Variants in NKD1 observed in about 807,000 individuals in gnomAD.
The protein encoded by NKD1 is NKD inhibitor of Wnt signaling pathway 1.
Under a neutral mutation model 56.0 loss-of-function variants are expected in NKD1, and 21 were observed. That is an observed-to-expected ratio of 0.38 (90% CI 0.27 to 0.54). The LOEUF (loss-of-function observed/expected upper bound fraction) is 0.54, where lower values mean the gene tolerates loss of function less well. NKD1 is among the 20% of genes least tolerant of loss of function. The probability of loss-of-function intolerance (pLI) is 0.82; values close to 1 mark genes in which losing one functional copy is unlikely to be tolerated. For missense variants in NKD1, 578 were observed against 642.7 expected (o/e 0.90, Z 1.09); for synonymous variants, 263 against 265.7 (o/e 0.99, Z 0.10).
At chr16:50,576,194 C>G (rs1286765136) in intron 3 of NKD1, among the ~76,000 whole-genome samples, 1 of 152,094 alleles carries the variant, frequency 6.6e-6, no homozygotes, top group African/African-American at 2.4e-5. Flanking sequence ...CCACCCAGGC[C>G]CTGAACAGGC....
intron 3 of NKD1, among the ~76,000 whole-genome samples, chr16:50,590,376 A>G (rs1961339289): frequency 6.6e-6 from 1 of 152,264 alleles, no homozygotes; most frequent in African/African-American, 2.4e-5. Flanking sequence ...ACACCCTCCT[A>G]TATGTTAAAA....
chr16:50,577,888 T>G (rs190220341), intron 3 of NKD1, among the ~76,000 whole-genome samples: 1 of 152,344 alleles, frequency 6.6e-6, no homozygotes, highest in East Asian at 1.9e-4. Flanking sequence ...CTGATCTGAT[T>G]TAGCAGATAG....
intron 3 of NKD1, among the ~76,000 whole-genome samples, chr16:50,577,447 A>G (rs191092711): frequency 1.3e-5 from 2 of 152,322 alleles, no homozygotes; most frequent in East Asian, 3.9e-4. Flanking sequence ...GGCCATAGAC[A>G]TGTCTATAAT....
Position 50,641,017 on chromosome 16 carries a change from C to A in NKD1, c.*7236C>A, listed in dbSNP as rs1962569237. The A allele has an allele frequency of 6.6e-6, 1 of 152,232 alleles. No homozygotes were observed. Among genetic ancestry groups the A allele is most frequent in the African/African-American group, 2.4e-5 (1 of 41,466 alleles). 9.4% of individuals were successfully genotyped at this position (152,232 alleles called of 1,614,324 possible). On this transcript the variant is annotated 3_prime_UTR_variant, in exon 10 of 10. Coordinates refer to ENST00000268459, the MANE Select transcript of NKD1 (RefSeq NM_033119.5). ...GGGTGTGGAGTCCAAATGGACAGTT[C>A]TTCCCAAAGCTGAGCGCAGACCGGC...
rs946585567 is a variant in NKD1 at position 50,572,830 on chromosome 16, G to A, written c.192+23275G>A. On this transcript the variant is annotated intron_variant, in intron 3 of 9. Coordinates refer to ENST00000268459, the MANE Select transcript of NKD1 (RefSeq NM_033119.5). ...GTTTCTTTCAAGCCCAGGAGATGTG[G>A]AGGTTAGAAAGAGTGCTGACCAAAG... The A allele has an allele frequency of 4.1e-6, 4 of 967,704 alleles. No homozygotes were observed. The African/African-American group carries it at 7.0e-5, about 17-fold the overall frequency. The allele number at this position is 967,704 out of a possible 1,614,324, so 59.9% of individuals were successfully genotyped here.
chr16:50,603,236 C>T (rs1235476878), intron 3 of NKD1, among the ~76,000 whole-genome samples: 1 of 152,214 alleles, frequency 6.6e-6, no homozygotes, highest in Non-Finnish European at 1.5e-5. Flanking sequence ...TGGGACTGGG[C>T]CCGGAGCCTG....
chr16:50,625,273 TCCCTCCCCAGGCCAAACCTC>T, intron 5 of NKD1, 192 bp from the exon 6 acceptor site: 2 of 589,724 alleles, frequency 3.4e-6, no homozygotes, highest in East Asian at 2.8e-5. Context: ...CCTGCAGGCA[TCCCTCCCCAGGCCAAACCTC>T]CCCTGCCCGG....
chr16:50,574,942 A>C (rs950591765), intron 3 of NKD1: 14 of 985,378 alleles, frequency 1.4e-5, no homozygotes, highest in Non-Finnish European at 1.7e-5. Flanking sequence ...TTTTCCCTTT[A>C]AACATCAGAA....
Position 50,625,626 on chromosome 16 carries a change from C to T in NKD1, c.462+46C>T, listed in dbSNP as rs371324707. On this transcript the variant is annotated intron_variant, in intron 6 of 9. Transcript: ENST00000268459. ...TCTTGCCGTGTATCATACCCGCAGGCACAGGGCCTGGGCACAGCACCCTGC... is the reference window on the plus strand; with the variant it reads ...TCTTGCCGTGTATCATACCCGCAGGTACAGGGCCTGGGCACAGCACCCTGC... The T allele has an allele frequency of 3.2e-6, 4 of 1,253,324 alleles. No individual in the cohort carries two copies. The African/African-American group carries it at 5.9e-5, about 19-fold the overall frequency. The allele number at this position is 1,253,324 out of a possible 1,614,324, so 77.6% of individuals were successfully genotyped here.
chr16:50,581,654 A>C (rs911614731), intron 3 of NKD1, among the ~76,000 whole-genome samples: 2 of 152,208 alleles, frequency 1.3e-5, no homozygotes, highest in Non-Finnish European at 2.9e-5. Flanking sequence ...GAACTGGCTA[A>C]ACAGCAAGTG....
chr16:50,576,471 G>A (rs1293088945), intron 3 of NKD1, among the ~76,000 whole-genome samples: 2 of 152,228 alleles, frequency 1.3e-5, no homozygotes, highest in African/African-American at 4.8e-5. Flanking sequence ...TTGTTCAGAA[G>A]TGGAAGCAGT....
rs541617320 is a variant in NKD1, at chr16:50,632,697, A to G, written c.823+289A>G. ...CCACCCAAGCCCTGTTCCCGGGGCAACCACTTTGACCTCTCCTGGCTGTTT... is the reference window on the plus strand; with the variant it reads ...CCACCCAAGCCCTGTTCCCGGGGCAGCCACTTTGACCTCTCCTGGCTGTTT... On this transcript the variant is annotated intron_variant, in intron 9 of 9. Coordinates refer to ENST00000268459, the MANE Select transcript of NKD1 (RefSeq NM_033119.5). The surrounding 1 kb of genome is among the most constrained non-coding windows in gnomAD (Gnocchi z 4.1). Among the ~76,000 whole-genome samples the G allele has an allele frequency of 7.9e-5, 12 of 152,230 alleles. No homozygotes were observed. The highest frequency in any genetic ancestry group is 2.6e-4 in the African/African-American group (11 of 41,568).
At chr16:50,586,162 T>C (rs559540246) in intron 3 of NKD1, among the ~76,000 whole-genome samples, 26 of 152,266 alleles carry the variant, frequency 1.7e-4, no homozygotes, top group Admixed American at 4.6e-4. Flanking sequence ...TCCCTGGCCT[T>C]TGACATTTTA....
At chr16:50,594,309 C>A (rs1961429398) in intron 3 of NKD1, among the ~76,000 whole-genome samples, 1 of 152,234 alleles carries the variant, frequency 6.6e-6, no homozygotes, top group African/African-American at 2.4e-5. Context: ...GATGTTCCAC[C>A]TGCTTTGTCT....
intron 3 of NKD1, among the ~76,000 whole-genome samples, chr16:50,572,502 T>A (rs532351552): frequency 6.6e-6 from 1 of 152,266 alleles, no homozygotes; most frequent in African/African-American, 2.4e-5. Flanking sequence ...ATCTTGGATT[T>A]TTTTGGGGAA....
In NKD1 at chr16:50,589,761, T is replaced by TCTCTTCTCTTCTCTCCTCTCCTCTC. The variant is rs1961318792; in HGVS notation, c.193-18529_193-18528insTCTCTTCTCTCCTCTCCTCTCCTCT. 4.2e-5 allele frequency among the ~76,000 whole-genome samples: 2 copies of TCTCTTCTCTTCTCTCCTCTCCTCTC among 47,828 alleles called. 1 individual carries two copies. The allele number at this position is 47,828 out of a possible 152,430, so 31.4% of individuals were successfully genotyped here. On this transcript the variant is annotated intron_variant, in intron 3 of 9. Coordinates refer to ENST00000268459, the MANE Select transcript of NKD1 (RefSeq NM_033119.5). Reference sequence around the variant, plus strand: ...TCTCTTCTCTTCTCTTCTCTTCTCTTCTCTCCTCTCCTCTCCTCTCCTCTC... The same window carrying TCTCTTCTCTTCTCTCCTCTCCTCTC: ...TCTCTTCTCTTCTCTTCTCTTCTCTTCTCTTCTCTTCTCTCCTCTCCTCTCCTCTCCTCTCCTCTCCTCTCCTCTC...
intron 4 of NKD1, among the ~76,000 whole-genome samples, chr16:50,610,257 A>C (rs943763690): frequency 1.3e-5 from 2 of 152,254 alleles, no homozygotes; most frequent in African/African-American, 4.8e-5. Context: ...GTCAGTATTT[A>C]AAGGTGAAAA....
rs374592231 is a variant in NKD1 at position 50,602,377 on chromosome 16, T to C, written c.193-5917T>C. On this transcript the variant is annotated intron_variant, in intron 3 of 9. Transcript: ENST00000268459. ...GCATCATCTTGTCTGGCCTCCCTAT[T>C]CTAGAGACGAGGGGGCCGAGGCCTG... 2.0e-5 allele frequency among the ~76,000 whole-genome samples: 3 copies of C among 152,252 alleles called. No individual in the cohort carries two copies. In the East Asian group the frequency reaches 5.8e-4, roughly 29 times the overall value.
rs1014557096 is a variant in NKD1, at chr16:50,641,426, T to C, written c.*7645T>C. The C allele has an allele frequency of 3.9e-5, 6 of 152,240 alleles. No individual in the cohort carries two copies. The highest frequency in any genetic ancestry group is 8.8e-5 in the Non-Finnish European group (6 of 68,044). The allele number at this position is 152,240 out of a possible 1,614,324, so 9.4% of individuals were successfully genotyped here. A position where few individuals can be genotyped will look rare whatever the true frequency, so the allele number is the denominator to read the frequency against. On this transcript the variant is annotated 3_prime_UTR_variant, in exon 10 of 10. Coordinates refer to ENST00000268459, the MANE Select transcript of NKD1 (RefSeq NM_033119.5). Reference sequence around the variant, plus strand: ...AGCCTGGCCCATCGATGTGTCATGTTTGACCCATCAAGGGTTTCAAAAATT... The same window carrying C: ...AGCCTGGCCCATCGATGTGTCATGTCTGACCCATCAAGGGTTTCAAAAATT...
Sources: gnomAD v4.1 joint callset for allele counts (sites outside exome capture counted in the v4.1 genomes callset) on GRCh38, gnomAD v4.1.1 for gene constraint, Gnocchi (gnomAD v3.1) non-coding constraint, MANE v1.5 for transcripts, NCBI Gene and HGNC (gene_info 2026-07-23, HGNC 2026-07-21) for gene names.